KCNT2: variants seen among roughly 807,000 people sequenced by gnomAD.
The protein encoded by KCNT2 is potassium sodium-activated channel subfamily T member 2, also known as potassium channel subfamily T member 2.
A neutral mutation model predicts 153.8 loss-of-function variants in KCNT2; 67 were observed. That is an observed-to-expected ratio of 0.44 (90% confidence interval 0.36 to 0.53). The LOEUF is 0.53. Among genes scored for constraint, KCNT2 ranks in the 20% least tolerant of loss-of-function variants. The pLI, the probability that KCNT2 is intolerant of heterozygous loss-of-function variation, is 0.00. For missense variants in KCNT2, 975 were observed against 1,354.8 expected (o/e 0.72, Z 4.40); for synonymous variants, 500 against 458.8 (o/e 1.09, Z -1.15).
At chr1:196,259,291 A>G (rs1656796692) in intron 25 of KCNT2, among the ~76,000 whole-genome samples, 1 of 152,108 alleles carries the variant, frequency 6.6e-6, no homozygotes, top group South Asian at 2.1e-4. Flanking sequence ...ACTAAATTTG[A>G]TTTTTAAAGT....
intron 1 of KCNT2, among the ~76,000 whole-genome samples, chr1:196,500,296 G>GGGGA (rs1680589820): frequency 8.1e-6 from 1 of 123,676 alleles, no homozygotes; most frequent in Non-Finnish European, 1.7e-5. Flanking sequence ...GAGGGAGGGA[G>GGGGA]GGAGGGAGGG....
chr1:196,514,648 T>A (rs1681904507), intron 1 of KCNT2, among the ~76,000 whole-genome samples: 1 of 152,232 alleles, frequency 6.6e-6, no homozygotes, highest in Non-Finnish European at 1.5e-5. Context: ...TTAAATGTGT[T>A]GCATTTGTAT....
At chr1:196,435,933 C>T (rs2148566269) in intron 8 of KCNT2, among the ~76,000 whole-genome samples, 1 of 151,764 alleles carries the variant, frequency 6.6e-6, no homozygotes, top group East Asian at 1.9e-4. Flanking sequence ...TTTGCACTAG[C>T]TTATCACATC....
intron 20 of KCNT2, among the ~76,000 whole-genome samples, chr1:196,318,485 T>C (rs1469505263): frequency 6.6e-6 from 1 of 151,764 alleles, no homozygotes; most frequent in African/African-American, 2.4e-5. Flanking sequence ...TCAGAAAAGG[T>C]ATATGGGACG....
intron 26 of KCNT2, among the ~76,000 whole-genome samples, chr1:196,241,130 A>G (rs1654916192): frequency 6.6e-6 from 1 of 152,028 alleles, no homozygotes; most frequent in Non-Finnish European, 1.5e-5. Context: ...AGTATGTTTG[A>G]ATGCCAATGG....
intron 3 of KCNT2, 51 bp from the exon 4 acceptor site, chr1:196,482,430 T>C (rs1679089967): frequency 9.9e-7 from 1 of 1,013,040 alleles, no homozygotes; most frequent in East Asian, 2.9e-5. Context: ...AAAAATCTAT[T>C]CACTTTTAAA....
intron 7 of KCNT2, 65 bp downstream of exon 7, chr1:196,467,638 T>C (rs1278969697): frequency 2.8e-6 from 3 of 1,084,624 alleles, no homozygotes; most frequent in Non-Finnish European, 4.1e-6. Flanking sequence ...CTGTTTAATC[T>C]AAACATTGAA....
intron 13 of KCNT2, among the ~76,000 whole-genome samples, chr1:196,394,968 G>T (rs1378413653): frequency 6.7e-6 from 1 of 150,146 alleles, no homozygotes; most frequent in Admixed American, 6.7e-5. Flanking sequence ...AAGTTCTTTG[G>T]TCCTAGCTTT....
chr1:196,244,088 C>T (rs895633200), intron 26 of KCNT2, among the ~76,000 whole-genome samples: 8 of 152,124 alleles, frequency 5.3e-5, no homozygotes, highest in South Asian at 2.1e-4. Flanking sequence ...GACATACCCT[C>T]GGCCAGAAGG....
intron 8 of KCNT2, among the ~76,000 whole-genome samples, chr1:196,450,477 C>T (rs1676060267): frequency 6.6e-6 from 1 of 151,858 alleles, no homozygotes; most frequent in Non-Finnish European, 1.5e-5. Flanking sequence ...TATTTCCATT[C>T]CTTTCCAGAT....
chr1:196,428,847 C>A (rs936847956), intron 9 of KCNT2, among the ~76,000 whole-genome samples: 1 of 152,070 alleles, frequency 6.6e-6, no homozygotes, highest in African/African-American at 2.4e-5. Context: ...TTCCCTATAG[C>A]CTGCTTCTGA....
At chr1:196,533,870 C>G (rs146388297) in intron 1 of KCNT2, among the ~76,000 whole-genome samples, 16 of 152,190 alleles carry the variant, frequency 1.1e-4, no homozygotes, top group Non-Finnish European at 2.4e-4. Flanking sequence ...ATCCATGACA[C>G]TAAAGAATGG....
At chr1:196,355,331 C>G (rs960474098) in intron 14 of KCNT2, among the ~76,000 whole-genome samples, 2 of 151,578 alleles carry the variant, frequency 1.3e-5, no homozygotes, top group African/African-American at 4.8e-5. Context: ...AATCTGAGTT[C>G]TAAGATTAAA....
At position 196,358,181 on chromosome 1, in the gene KCNT2, C is replaced by A. The variant is rs1004758395; in HGVS notation, c.1403+14959G>T. On this transcript the variant is annotated intron_variant, in intron 14 of 27. Transcript: ENST00000294725. ...TAGTCTTTTTGCTTGTATATTCCAACTCTGCATTTTTATCTAAAATCCTAA... is the reference window on the plus strand; with the variant it reads ...TAGTCTTTTTGCTTGTATATTCCAAATCTGCATTTTTATCTAAAATCCTAA... Among the ~76,000 whole-genome samples the A allele has an allele frequency of 2.6e-5, 4 of 151,722 alleles. No homozygotes were observed. The East Asian group carries it at 7.8e-4, about 30-fold the overall frequency.
chr1:196,451,407 A>ATTTTTTTTTTTTTT (rs35621901), intron 8 of KCNT2, among the ~76,000 whole-genome samples: 6 of 62,894 alleles, frequency 9.5e-5, no homozygotes, highest in African/African-American at 2.7e-4. Flanking sequence ...CACCCAACAC[A>ATTTTTTTTTTTTTT]TTTTTTTTTT....
At chr1:196,258,618 G>T in intron 25 of KCNT2, 124 bp from the exon 26 acceptor site, 1 of 776,378 alleles carries the variant, frequency 1.3e-6, no homozygotes, top group Non-Finnish European at 2.1e-6. Context: ...CACAGAAAGA[G>T]CAAAATCAGT....
intron 8 of KCNT2, among the ~76,000 whole-genome samples, chr1:196,464,358 T>C (rs1233400356): frequency 1.3e-5 from 2 of 151,904 alleles, no homozygotes; most frequent in Non-Finnish European, 2.9e-5. Flanking sequence ...TGTTTTTAAA[T>C]GATAAAAGTA....
intron 21 of KCNT2, among the ~76,000 whole-genome samples, chr1:196,308,532 C>G (rs1425523634): frequency 6.6e-6 from 1 of 152,026 alleles, no homozygotes; most frequent in African/African-American, 2.4e-5. Context: ...TCTCTATCTG[C>G]CTGACTTCTT....
rs1392197341 is a variant in KCNT2 at position 196,228,094 on chromosome 1, A to G, written c.*130T>C. 8 of 609,018 alleles carry G rather than the reference A, an allele frequency of 1.3e-5. No individual in the cohort carries two copies. Among genetic ancestry groups the G allele is most frequent in the Non-Finnish European group, 1.8e-5 (6 of 341,002 alleles). 37.7% of individuals were successfully genotyped at this position (609,018 alleles called of 1,614,324 possible). On this transcript the variant is annotated 3_prime_UTR_variant, in exon 28 of 28. Transcript: ENST00000294725. ...AAGTTTCAAAATGATCTATACTTCT[A>G]AGAGAAGAGATTACGTTTTTAAATA...
Sources: gnomAD v4.1 joint callset for allele counts (sites outside exome capture counted in the v4.1 genomes callset) on GRCh38, gnomAD v4.1.1 for gene constraint, MANE v1.5 for transcripts, NCBI Gene and HGNC (gene_info 2026-07-23, HGNC 2026-07-21) for gene names.